The following CDH18 variants were observed in gnomAD, a reference collection of about 807,000 sequenced individuals.
The protein encoded by CDH18 is cadherin-18.
In CDH18, 31 loss-of-function variants were observed where a neutral mutation model predicts 67.9. That is an observed-to-expected ratio of 0.46 (90% CI 0.34 to 0.62). CDH18 has a LOEUF of 0.62. Ranked by LOEUF, CDH18 falls within the 20% of genes least tolerant of loss-of-function variation. CDH18 has a pLI of 0.01. For synonymous variants in CDH18, 362 were observed against 347.2 expected, an observed-to-expected ratio of 1.04 and a Z score of -0.48; for missense variants, 890 against 975.5, an observed-to-expected ratio of 0.91 and a Z score of 1.17.
intron 2 of CDH18, among the ~76,000 whole-genome samples, chr5:19,914,500 C>A (rs1791533620): frequency 6.6e-6 from 1 of 152,042 alleles, no homozygotes; most frequent in Non-Finnish European, 1.5e-5. Context: ...TGCATACACA[C>A]TTCTAAATTG....
At chr5:20,175,923 G>C (rs1346504161) in intron 2 of CDH18, among the ~76,000 whole-genome samples, 5 of 152,142 alleles carry the variant, frequency 3.3e-5, no homozygotes, top group African/African-American at 9.6e-5. Context: ...GCATCCTTCA[G>C]TCCAATCAAG....
At chr5:19,751,248 C>A (rs888840519) in intron 3 of CDH18, among the ~76,000 whole-genome samples, 5 of 152,130 alleles carry the variant, frequency 3.3e-5, no homozygotes, top group African/African-American at 1.2e-4. Flanking sequence ...AAATAATATT[C>A]TATTCCTTGG....
intron 1 of CDH18, among the ~76,000 whole-genome samples, chr5:20,564,599 T>C (rs1335517711): frequency 6.6e-6 from 1 of 152,162 alleles, no homozygotes; most frequent in Admixed American, 6.6e-5. Flanking sequence ...GAATCTCTTT[T>C]CAGGTTTAGC....
At chr5:19,525,311 T>C (rs185093499) in intron 9 of CDH18, among the ~76,000 whole-genome samples, 1 of 151,998 alleles carries the variant, frequency 6.6e-6, no homozygotes, top group Non-Finnish European at 1.5e-5. Flanking sequence ...CAACATAGAC[T>C]CTGTCCATTA....
At chr5:19,940,808 C>G (rs1441538687) in intron 2 of CDH18, among the ~76,000 whole-genome samples, 1 of 152,020 alleles carries the variant, frequency 6.6e-6, no homozygotes. Flanking sequence ...TTACCACCAA[C>G]AACAATAGCA....
intron 2 of CDH18, among the ~76,000 whole-genome samples, chr5:19,958,719 G>A (rs2150292871): frequency 6.6e-6 from 1 of 152,160 alleles, no homozygotes; most frequent in African/African-American, 2.4e-5. Context: ...TCTATATCCT[G>A]GAATATGCTT....
At chr5:20,339,515 C>T (rs972864839) in intron 1 of CDH18, among the ~76,000 whole-genome samples, 5 of 151,964 alleles carry the variant, frequency 3.3e-5, no homozygotes, top group Admixed American at 2.6e-4. Flanking sequence ...GACAGGGAGG[C>T]GGGAATCCCT....
chr5:19,928,253 C>G (rs975121092), intron 2 of CDH18, among the ~76,000 whole-genome samples: 1 of 152,128 alleles, frequency 6.6e-6, no homozygotes, highest in Non-Finnish European at 1.5e-5. Context: ...CAGAATTCTT[C>G]TCAATATGCT....
intron 2 of CDH18, among the ~76,000 whole-genome samples, chr5:19,962,073 G>A (rs984227814): frequency 3.3e-5 from 5 of 151,492 alleles, no homozygotes; most frequent in African/African-American, 1.2e-4. Context: ...ACATTATTTT[G>A]TTTGAAGAAA....
chr5:19,831,988 A>T (rs1781088685), intron 3 of CDH18, among the ~76,000 whole-genome samples: 1 of 152,136 alleles, frequency 6.6e-6, no homozygotes, highest in African/African-American at 2.4e-5. Context: ...CCATTATCCC[A>T]AGTGAGCTAA....
At chr5:20,235,568 C>G (rs1337598740) in intron 2 of CDH18, among the ~76,000 whole-genome samples, 3 of 152,094 alleles carry the variant, frequency 2.0e-5, no homozygotes, top group East Asian at 1.9e-4. Context: ...ATCAAAACCA[C>G]AATGATAGAT....
intron 1 of CDH18, among the ~76,000 whole-genome samples, chr5:20,572,920 G>A (rs915487176): frequency 1.3e-5 from 2 of 152,260 alleles, no homozygotes; most frequent in Middle Eastern, 3.4e-3. Context: ...TTAGATTTCA[G>A]ACTGAGGGTG....
intron 5 of CDH18, among the ~76,000 whole-genome samples, chr5:19,680,913 T>C (rs1760208713): frequency 1.3e-5 from 2 of 152,056 alleles, no homozygotes; most frequent in South Asian, 2.1e-4. Flanking sequence ...CATTATTTGG[T>C]ACATACCCAA....
intron 2 of CDH18, among the ~76,000 whole-genome samples, chr5:20,021,570 ACCTTCC>A (rs1221402774): frequency 6.6e-6 from 1 of 151,948 alleles, no homozygotes; most frequent in Non-Finnish European, 1.5e-5. Flanking sequence ...ACTGTGTGGC[ACCTTCC>A]CCTTCAGTCT....
intron 6 of CDH18, among the ~76,000 whole-genome samples, chr5:19,603,048 A>G (rs1186735015): frequency 2.6e-5 from 4 of 152,186 alleles, no homozygotes; most frequent in Non-Finnish European, 5.9e-5. Context: ...AAAGCACTGA[A>G]AGTGGGGTGT....
chr5:19,712,056 G>A (rs552994842), intron 5 of CDH18, among the ~76,000 whole-genome samples: 5 of 152,074 alleles, frequency 3.3e-5, no homozygotes, highest in East Asian at 3.9e-4. Context: ...ATAATGCAAA[G>A]ATAAAGTCAA....
chr5:20,457,194 A>G (rs994147767), intron 1 of CDH18, among the ~76,000 whole-genome samples: 1 of 152,162 alleles, frequency 6.6e-6, no homozygotes, highest in Non-Finnish European at 1.5e-5. Context: ...ACAGGTTTTT[A>G]TTGTATTAAA....
chr5:20,123,309 T>C (rs975291221), intron 2 of CDH18, among the ~76,000 whole-genome samples: 3 of 152,128 alleles, frequency 2.0e-5, no homozygotes, highest in Non-Finnish European at 4.4e-5. Flanking sequence ...GCAGCTACTG[T>C]GCTCTGAAAC....
intron 6 of CDH18, among the ~76,000 whole-genome samples, chr5:19,604,541 A>G (rs1747715520): frequency 3.0e-5 from 1 of 33,266 alleles, no homozygotes; most frequent in African/African-American, 4.6e-5. Flanking sequence ...ACACACACAC[A>G]CACACACACA....
Sources: gnomAD v4.1 joint callset for allele counts (sites outside exome capture counted in the v4.1 genomes callset) on GRCh38, gnomAD v4.1.1 for gene constraint, MANE v1.5 for transcripts, NCBI Gene and HGNC (gene_info 2026-07-23, HGNC 2026-07-21) for gene names.